SLC13A3: variants seen among roughly 807,000 people sequenced by gnomAD.
SLC13A3 encodes solute carrier family 13 member 3, also known as Na(+)/dicarboxylate cotransporter 3.
SLC13A3 carries 40 observed loss-of-function variants against 59.0 expected under a neutral mutation model. The ratio of observed to expected loss-of-function variants is 0.68; its 90% CI spans 0.53 to 0.88. The LOEUF is 0.88. SLC13A3 is among the 40% of genes least tolerant of loss of function. The pLI, the probability that SLC13A3 is intolerant of heterozygous loss-of-function variation, is 0.00. For missense variants in SLC13A3, 699 were observed against 783.2 expected (o/e 0.89, Z 1.28); for synonymous variants, 317 against 330.3 (o/e 0.96, Z 0.44).
intron 1 of SLC13A3, among the ~76,000 whole-genome samples, chr20:46,639,424 ACT>A (rs766535317): frequency 3.9e-5 from 6 of 152,144 alleles, no homozygotes; most frequent in African/African-American, 9.7e-5. Flanking sequence ...GTGCCACTGC[ACT>A]CCAGCCTGGG....
At chr20:46,602,780 GAA>G (rs2062392435) in intron 3 of SLC13A3, among the ~76,000 whole-genome samples, 1 of 152,168 alleles carries the variant, frequency 6.6e-6, no homozygotes, top group Non-Finnish European at 1.5e-5. Flanking sequence ...CATTGGTAAT[GAA>G]GTTGAGAAAC....
At chr20:46,601,280 G>A (rs1353245964) in intron 3 of SLC13A3, among the ~76,000 whole-genome samples, 5 of 152,122 alleles carry the variant, frequency 3.3e-5, no homozygotes, top group Admixed American at 3.3e-4. Flanking sequence ...AAAAATGGAA[G>A]CTGAGAGTCC....
At chr20:46,571,329 C>T (rs764301880) in intron 10 of SLC13A3, among the ~76,000 whole-genome samples, 2 of 152,128 alleles carry the variant, frequency 1.3e-5, no homozygotes, top group Non-Finnish European at 2.9e-5. Flanking sequence ...CACATTTTCT[C>T]CTTACCTCTA....
chr20:46,613,273 T>C (rs1211002380), intron 2 of SLC13A3, among the ~76,000 whole-genome samples, 187 bp downstream of exon 2: 1 of 150,702 alleles, frequency 6.6e-6, no homozygotes, highest in Non-Finnish European at 1.5e-5. Flanking sequence ...GTGTCTAGCA[T>C]GCAGCAGGTG....
At chr20:46,652,661 C>G (rs959805192), upstream of SLC13A3, among the ~76,000 whole-genome samples, 1 of 150,322 alleles carries the variant, frequency 6.7e-6, no homozygotes, top group Non-Finnish European at 1.5e-5. Context: ...TCCCAAAGTT[C>G]TGGGATTACA....
intron 9 of SLC13A3, among the ~76,000 whole-genome samples, chr20:46,578,845 T>A (rs1200949740): frequency 6.8e-6 from 1 of 146,234 alleles, no homozygotes; most frequent in African/African-American, 2.5e-5. Context: ...ATGGAGTGAG[T>A]CACGAAGATC....
intron 3 of SLC13A3, among the ~76,000 whole-genome samples, chr20:46,600,933 T>G (rs56211974): frequency 0.1 from 15,762 of 152,280 alleles, 946 homozygotes; most frequent in African/African-American, 0.16. Context: ...CACTGTGTGC[T>G]GATGGCCTCG....
At chr20:46,683,544 C>G (rs552208640) in intron 1 of SLC13A3, among the ~76,000 whole-genome samples, 10 of 152,304 alleles carry the variant, frequency 6.6e-5, no homozygotes, top group African/African-American at 1.2e-4. Flanking sequence ...TTTTTCACAC[C>G]CTATGTAGAT....
chr20:46,562,447 G>A (rs2146073853), intron 12 of SLC13A3, among the ~76,000 whole-genome samples: 1 of 152,190 alleles, frequency 6.6e-6, no homozygotes, highest in South Asian at 2.1e-4. Flanking sequence ...GGCTTCCCAT[G>A]ATCATCAGCT....
chr20:46,569,968 A>G (rs140503662), intron 10 of SLC13A3, among the ~76,000 whole-genome samples: 2 of 152,366 alleles, frequency 1.3e-5, no homozygotes, highest in African/African-American at 4.8e-5. Context: ...ATCTTTTAAA[A>G]GGCTTTGTAA....
At chr20:46,675,662 C>T (rs1428403532) in intron 1 of SLC13A3, among the ~76,000 whole-genome samples, 2 of 149,654 alleles carry the variant, frequency 1.3e-5, no homozygotes, top group African/African-American at 4.9e-5. Context: ...CTCACTGCAG[C>T]CTTGAACTCC....
rs913523347 is a variant in SLC13A3 at position 46,643,513 on chromosome 20, G to A, written c.111+7798C>T. Among the ~76,000 whole-genome samples, 7 of 152,296 alleles carry A rather than the reference G, an allele frequency of 4.6e-5. No homozygotes were observed. In the East Asian group the frequency reaches 1.4e-3, roughly 29 times the overall value. ...GCTTGGGATATTTAAGGAGCAGTAA[G>A]AAAGCCAGAGCGCTGGGAGCAGAGG... is the stretch of plus-strand genomic sequence containing the variant. On this transcript the variant is annotated intron_variant, in intron 1 of 12. Transcript: ENST00000279027.
At chr20:46,645,894 G>T (rs2062889932) in intron 1 of SLC13A3, among the ~76,000 whole-genome samples, 2 of 152,118 alleles carry the variant, frequency 1.3e-5, no homozygotes, top group South Asian at 4.2e-4. Context: ...TTTTTAAAAG[G>T]AGAGGGCAGT....
chr20:46,655,515 A>T (rs2062979644), upstream of SLC13A3, among the ~76,000 whole-genome samples: 1 of 147,708 alleles, frequency 6.8e-6, no homozygotes, highest in Admixed American at 6.8e-5. Context: ...TATAATATAT[A>T]TTTTTATATA....
At chr20:46,646,586 T>C (rs1204638) in intron 1 of SLC13A3, among the ~76,000 whole-genome samples, 150,145 of 152,288 alleles carry the variant, frequency 0.99, 74,022 homozygotes, top group East Asian at 1. Context: ...AATTCAAGGT[T>C]TCCAGCCCAG....
In SLC13A3 at chr20:46,559,750, T is replaced by G. The variant is rs920195443; in HGVS notation, c.*272A>C. ...CACTGTTGATGACACTGGGCTGTCT[T>G]GTATCCTAATGATAAAACAGCTAAC... On this transcript the variant is annotated 3_prime_UTR_variant, in exon 13 of 13. Coordinates refer to ENST00000279027, the MANE Select transcript of SLC13A3 (RefSeq NM_022829.6). 3.7e-5 allele frequency: 15 copies of G among 406,802 alleles called. No homozygotes were observed. Among genetic ancestry groups the G allele is most frequent in the African/African-American group, 2.4e-4 (12 of 50,110 alleles). 25.2% of individuals were successfully genotyped at this position (406,802 alleles called of 1,614,324 possible). A position where few individuals can be genotyped will look rare whatever the true frequency, so the allele number is the denominator to read the frequency against.
intron 1 of SLC13A3, among the ~76,000 whole-genome samples, chr20:46,666,756 G>A (rs771144973): frequency 2.6e-5 from 4 of 152,094 alleles, no homozygotes; most frequent in Admixed American, 2.0e-4. Context: ...CTCCTGCCTC[G>A]GCCTCTCAAA....
chr20:46,591,158 C>G (rs2062252215), intron 6 of SLC13A3, among the ~76,000 whole-genome samples: 1 of 144,914 alleles, frequency 6.9e-6, no homozygotes, highest in Non-Finnish European at 1.5e-5. Context: ...CAGAATGAGA[C>G]TTTGTCTAAA....
chr20:46,652,981 A>G (rs1217372599), upstream of SLC13A3, among the ~76,000 whole-genome samples: 1 of 152,120 alleles, frequency 6.6e-6, no homozygotes, highest in Non-Finnish European at 1.5e-5. Flanking sequence ...TTGTGGTTTT[A>G]ATTTCTATTT....
Sources: allele counts gnomAD v4.1 joint callset (sites outside exome capture counted in the v4.1 genomes callset), GRCh38; gene constraint gnomAD v4.1.1; transcripts MANE v1.5; gene names NCBI Gene and HGNC (gene_info 2026-07-23, HGNC 2026-07-21).